Variants in NUP214 observed in about 807,000 individuals in gnomAD.
NUP214 encodes nuclear pore complex protein Nup214.
A neutral mutation model predicts 196.2 loss-of-function variants in NUP214; 79 were observed. That is an observed-to-expected ratio of 0.40 (90% CI 0.34 to 0.49). The LOEUF (loss-of-function observed/expected upper bound fraction) is 0.49. Among genes scored for constraint, NUP214 ranks in the 20% least tolerant of loss-of-function variants. The pLI is 0.58. For synonymous variants in NUP214, 1,020 were observed against 990.5 expected, an observed-to-expected ratio of 1.03 and a Z score of -0.56; for missense variants, 2,468 against 2,539.0, an observed-to-expected ratio of 0.97 and a Z score of 0.60.
chr9:131,210,161 A>C (rs1564212493), intron 30 of NUP214, among the ~76,000 whole-genome samples: 1 of 152,252 alleles, frequency 6.6e-6, no homozygotes, highest in Non-Finnish European at 1.5e-5. Context: ...GAGCAACCAA[A>C]AAAGAGAGTG....
intron 11 of NUP214, among the ~76,000 whole-genome samples, chr9:131,143,921 T>C (rs966574600): frequency 2.0e-5 from 3 of 152,236 alleles, no homozygotes; most frequent in African/African-American, 7.2e-5. Context: ...TGTGACTTTC[T>C]ATGTGTATTT....
intron 30 of NUP214, among the ~76,000 whole-genome samples, chr9:131,207,440 G>A (rs1834117897): frequency 7.9e-5 from 12 of 152,210 alleles, no homozygotes; most frequent in Admixed American, 7.9e-4. Flanking sequence ...GGAGCTGTTA[G>A]CTGAACACCT....
In NUP214 at chr9:131,179,686, G is replaced by A. The variant is rs148902288; in HGVS notation, c.3419+1276G>A. 1.1e-4 allele frequency among the ~76,000 whole-genome samples: 17 copies of A among 152,262 alleles called. No homozygotes were observed. The East Asian group carries it at 2.7e-3, about 24-fold the overall frequency. On this transcript the variant is annotated intron_variant, in intron 24 of 35. Coordinates refer to ENST00000359428, the MANE Select transcript of NUP214 (RefSeq NM_005085.4). ...TCAAGTGGCCCTGCCTCACTGGTCC[G>A]CTGGCCTCTTTTTTTCCATGTTGTT... is the stretch of plus-strand genomic sequence containing the variant.
rs35406686 is a variant in NUP214 at position 131,234,587 on chromosome 9, A to ATT, written c.*1110_*1111dup. The stretch of plus-strand genomic sequence containing the variant: ...ATGAGCAGCGGGGAGTTGGGAAGAG[A>ATT]TTTTTTTTTTTAGAGTTTTACATAT... On this transcript the variant is annotated 3_prime_UTR_variant, in exon 36 of 36. Coordinates refer to ENST00000359428, the MANE Select transcript of NUP214 (RefSeq NM_005085.4). 1.9e-5 allele frequency: 4 copies of ATT among 207,822 alleles called. No individual in the cohort carries two copies. The highest frequency in any genetic ancestry group is 2.9e-5 in the Non-Finnish European group (3 of 103,662). The allele number at this position is 207,822 out of a possible 1,614,324, so 12.9% of individuals were successfully genotyped here.
At chr9:131,224,278 G>A (rs1040038258) in intron 32 of NUP214, among the ~76,000 whole-genome samples, 54 of 152,146 alleles carry the variant, frequency 3.5e-4, no homozygotes, top group African/African-American at 1.3e-3. Flanking sequence ...GTTTAGATCT[G>A]AAAACATGTA....
chr9:131,223,711 T>TTATTTATTTA (rs1554742593), intron 32 of NUP214, among the ~76,000 whole-genome samples: 36 of 27,150 alleles, frequency 1.3e-3, no homozygotes, highest in South Asian at 7.6e-3. Flanking sequence ...TTTTTTTTAT[T>TTATTTATTTA]TTTATTTATT....
chr9:131,135,096 T>C, intron 8 of NUP214, 92 bp downstream of exon 8: 1 of 896,656 alleles, frequency 1.1e-6, no homozygotes, highest in South Asian at 1.4e-5. Context: ...TTCTGATTGA[T>C]TGATTGATGG....
At chr9:131,143,541 T>TA (rs1432596893) in intron 11 of NUP214, among the ~76,000 whole-genome samples, 2 of 152,198 alleles carry the variant, frequency 1.3e-5, no homozygotes, top group Non-Finnish European at 2.9e-5. Context: ...TAGACATATT[T>TA]AAATTCTTAT....
chr9:131,196,836 A>G (rs557615474), intron 28 of NUP214, among the ~76,000 whole-genome samples: 19 of 152,346 alleles, frequency 1.2e-4, no homozygotes, highest in African/African-American at 4.1e-4. Context: ...GTCCTGGTCT[A>G]TCAGGAGGTC....
chr9:131,233,504 C>T lies in NUP214; in HGVS notation c.*17C>T. ...CGAAGCTGAGGGCGTGTCAGCAGGCCTTTCGATCCCTGGGACCAACCGCAT... is the reference window on the plus strand; with the variant it reads ...CGAAGCTGAGGGCGTGTCAGCAGGCTTTTCGATCCCTGGGACCAACCGCAT... On this transcript the variant is annotated 3_prime_UTR_variant, in exon 36 of 36. Transcript: ENST00000359428. 6.2e-7 allele frequency: 1 copy of T among 1,613,690 alleles called. No individual in the cohort carries two copies. The highest frequency in any genetic ancestry group is 1.7e-5 in the Admixed American group (1 of 60,004).
chr9:131,163,860 T>G lies in NUP214; in HGVS notation c.2724-10T>G. Reference sequence around the variant, plus strand: ...CTAGTTGGTCTGTATCTAACACTGTTCTGTTTCAGTTTTGACAGTGACCTG... The same window carrying G: ...CTAGTTGGTCTGTATCTAACACTGTGCTGTTTCAGTTTTGACAGTGACCTG... On this transcript the variant is annotated splice_polypyrimidine_tract_variant and intron_variant, in intron 19 of 35. Coordinates refer to ENST00000359428, the MANE Select transcript of NUP214 (RefSeq NM_005085.4). 1 of 1,612,334 alleles carries G rather than the reference T, an allele frequency of 6.2e-7. No individual in the cohort carries two copies. The highest frequency in any genetic ancestry group is 1.7e-4 in the Middle Eastern group (1 of 6,056).
At chr9:131,161,743 C>T (rs1390557177) in intron 18 of NUP214, among the ~76,000 whole-genome samples, 1 of 152,142 alleles carries the variant, frequency 6.6e-6, no homozygotes. Context: ...TGTTGCTTAA[C>T]GTGCGTTCTG....
At position 131,198,900 on chromosome 9, in the gene NUP214, C is replaced by T. The variant is rs146201944; in HGVS notation, c.5406C>T (p.Asn1802=). ...GAGGGGGGCTGTTTGGCCAAAGCAACGCTCCTGCTTTTGGGCAGAGTCCTG... is the reference window on the plus strand; with the variant it reads ...GAGGGGGGCTGTTTGGCCAAAGCAATGCTCCTGCTTTTGGGCAGAGTCCTG... ...NTGGGLFGQS[N]APAFGQSPGF... The change falls in exon 29 of 36, where the codon AAC becomes AAT. Residue 1802 remains asparagine (N), a synonymous_variant. Coordinates refer to ENST00000359428, the MANE Select transcript of NUP214 (RefSeq NM_005085.4). 1.5e-4 allele frequency: 247 copies of T among 1,614,048 alleles called. 2 individuals carry two copies. In the African/African-American group the frequency reaches 1.6e-3, roughly 10 times the overall value.
At chr9:131,163,267 ACT>A in intron 19 of NUP214, 94 bp downstream of exon 19, 5 of 1,234,312 alleles carry the variant, frequency 4.1e-6, no homozygotes, top group Middle Eastern at 5.7e-4. Flanking sequence ...TTTGCAAGTG[ACT>A]CTGTGTCTCT....
chr9:131,148,288 A>G (rs970684985), intron 14 of NUP214, among the ~76,000 whole-genome samples: 1 of 152,116 alleles, frequency 6.6e-6, no homozygotes, highest in Non-Finnish European at 1.5e-5. Context: ...TTTGTTCAAC[A>G]TTATGTTTGT....
intron 21 of NUP214, among the ~76,000 whole-genome samples, chr9:131,171,620 G>A (rs1832960347): frequency 6.9e-6 from 1 of 145,014 alleles, no homozygotes. Flanking sequence ...AGTTACATAT[G>A]TATACATGTG....
rs141851901 is a variant in NUP214 at position 131,189,901 on chromosome 9, A to G, written c.3574+770A>G. ...TTTTTACAACACTGTTGATTCTGGC[A>G]TTTGTTTCAATCATGCTCTTAAGTG... On this transcript the variant is annotated intron_variant, in intron 26 of 35. Transcript: ENST00000359428. 363 of 153,694 alleles carry G rather than the reference A, an allele frequency of 2.4e-3. 4 individuals carry two copies. The highest frequency in any genetic ancestry group is 8.3e-3 in the African/African-American group (346 of 41,624). The allele number at this position is 153,694 out of a possible 1,614,324, so 9.5% of individuals were successfully genotyped here.
intron 24 of NUP214, among the ~76,000 whole-genome samples, chr9:131,182,327 A>G (rs1470503159): frequency 6.6e-6 from 1 of 152,244 alleles, no homozygotes; most frequent in Non-Finnish European, 1.5e-5. Context: ...ACTGGGCCAC[A>G]CAGCAGGTGA....
At chr9:131,134,827 G>T in intron 7 of NUP214, 71 bp from the exon 8 acceptor site, 1 of 895,528 alleles carries the variant, frequency 1.1e-6, no homozygotes, top group South Asian at 1.4e-5. Flanking sequence ...TTTATTATTT[G>T]AGATTCTTTT....
Sources: allele counts gnomAD v4.1 joint callset (sites outside exome capture counted in the v4.1 genomes callset), GRCh38; gene constraint gnomAD v4.1.1; transcripts MANE v1.5; gene names NCBI Gene and HGNC (gene_info 2026-07-23, HGNC 2026-07-21).